UBAP2L: variants seen among roughly 807,000 people sequenced by gnomAD.
UBAP2L encodes the protein ubiquitin associated protein 2 like.
A neutral mutation model predicts 130.6 loss-of-function variants in UBAP2L; 12 were observed. The ratio of observed to expected loss-of-function variants is 0.09; its 90% CI spans 0.06 to 0.15. The LOEUF (loss-of-function observed/expected upper bound fraction) is 0.15, where lower values mean the gene tolerates loss of function less well. Ranked by LOEUF, UBAP2L falls within the 10% of genes least tolerant of loss-of-function variation. The pLI, the probability that UBAP2L is intolerant of heterozygous loss-of-function variation, is 1.00. For synonymous variants in UBAP2L, 503 were observed against 524.7 expected (o/e 0.96, Z 0.57); for missense variants, 965 against 1,332.5 (o/e 0.72, Z 4.29).
At chr1:154,269,711 G>A (rs1684314056) in intron 26 of UBAP2L, 2 of 322,860 alleles carry the variant, frequency 6.2e-6, no homozygotes, top group South Asian at 5.1e-5. Context: ...GCCTGAAATG[G>A]GCTCACAGAT....
At chr1:154,270,992 T>C, downstream of UBAP2L, 4 of 1,519,516 alleles carry the variant, frequency 2.6e-6, no homozygotes, top group Non-Finnish European at 3.6e-6. Flanking sequence ...TCTTCGCCCT[T>C]TAAGAACTCC....
chr1:154,250,525 G>C (rs1474068020), intron 12 of UBAP2L, among the ~76,000 whole-genome samples: 1 of 152,134 alleles, frequency 6.6e-6, no homozygotes, highest in Non-Finnish European at 1.5e-5. Context: ...GTCTTACACA[G>C]ACAGGGTAAT....
intron 23 of UBAP2L, 96 bp from the exon 24 acceptor site, chr1:154,261,492 ATAGG>A: frequency 4.5e-6 from 5 of 1,113,158 alleles, no homozygotes; most frequent in Non-Finnish European, 5.5e-6. Context: ...TTGCATCAGG[ATAGG>A]TAGCCATCTG....
chr1:154,220,733 T>C, upstream of UBAP2L: 1 of 344,352 alleles, frequency 2.9e-6, no homozygotes, highest in South Asian at 3.6e-5. Context: ...AGGGCCGCCG[T>C]GAAGGAGGCG....
intron 5 of UBAP2L, 143 bp from the exon 6 acceptor site, chr1:154,235,053 T>C (rs917674447): frequency 3.1e-6 from 2 of 654,954 alleles, no homozygotes; most frequent in African/African-American, 3.7e-5. Context: ...TCCAGCTCAT[T>C]TTCTCTTCGT....
In UBAP2L at chr1:154,251,481, A is replaced by G; in HGVS notation, c.1492A>G (p.Ile498Val). The G allele has an allele frequency of 6.2e-7, 1 of 1,613,248 alleles. No individual in the cohort carries two copies. The highest frequency in any genetic ancestry group is 8.5e-7 in the Non-Finnish European group (1 of 1,179,802). ...QKKKASLTSK[I>V]PALAVEMPGS... Reference sequence around the variant, plus strand: ...TTTCTCTTCTCCTTCAACTTTATAGATTCCTGCTCTGGCTGTGGAGATGCC... The same window carrying G: ...TTTCTCTTCTCCTTCAACTTTATAGGTTCCTGCTCTGGCTGTGGAGATGCC... Residue 498 changes from isoleucine (I) to valine (V), a missense_variant and splice_region_variant, in exon 14 of 27, where the codon ATT (isoleucine) becomes GTT (valine). By Grantham distance (29) the Ile-to-Val change is conservative. Around this residue, in one of 9 missense-constraint regions of UBAP2L, gnomAD observed 393 missense variants for 408.1 expected, o/e 0.96. Coordinates refer to ENST00000428931, the MANE Select transcript of UBAP2L (RefSeq NM_014847.4).
intron 2 of UBAP2L, among the ~76,000 whole-genome samples, chr1:154,227,057 A>G (rs570050669): frequency 3.9e-5 from 6 of 152,292 alleles, no homozygotes; most frequent in Non-Finnish European, 7.4e-5. Context: ...TACTCACATC[A>G]GGTGATCTGT....
intron 4 of UBAP2L, among the ~76,000 whole-genome samples, chr1:154,234,179 G>T (rs965274434): frequency 6.6e-6 from 1 of 151,894 alleles, no homozygotes; most frequent in Non-Finnish European, 1.5e-5. Context: ...CCTGGCCAAC[G>T]TGGTGAAACC....
At chr1:154,267,451 C>T (rs61807361) in intron 25 of UBAP2L, among the ~76,000 whole-genome samples, 39,745 of 150,826 alleles carry the variant, frequency 0.26, 5,847 homozygotes, top group African/African-American at 0.38. Context: ...CTGCACCCAG[C>T]GGAGTTACTA....
At chr1:154,226,490 G>C (rs1250820106) in intron 2 of UBAP2L, among the ~76,000 whole-genome samples, 1 of 152,144 alleles carries the variant, frequency 6.6e-6, no homozygotes, top group Non-Finnish European at 1.5e-5. Context: ...TCTTTCATCT[G>C]TGTTTTCAAG....
rs1489527106 is a variant in UBAP2L at position 154,255,204 on chromosome 1, C to G, written c.1962C>G (p.Pro654=). 2.5e-6 allele frequency: 4 copies of G among 1,614,050 alleles called. No homozygotes were observed. Among genetic ancestry groups the G allele is most frequent in the African/African-American group, 2.7e-5 (2 of 74,916 alleles). ...KSDSPSTSSI[P]PLNETVSAAS... ...ATTCACCTTCCACTTCTAGCATCCC[C>G]CCTCTCAATGAAACGGTATCTGCAG... The change falls in exon 17 of 27, where the codon CCC becomes CCG. Residue 654 remains proline, a synonymous_variant. Transcript: ENST00000428931.
At chr1:154,231,702 T>C (rs1669892665) in intron 4 of UBAP2L, among the ~76,000 whole-genome samples, 1 of 152,248 alleles carries the variant, frequency 6.6e-6, no homozygotes. Context: ...CTTAGTGTAA[T>C]GTTTCAAGGT....
upstream of UBAP2L, chr1:154,220,368 C>G (rs1370937765): frequency 6.2e-7 from 1 of 1,614,202 alleles, no homozygotes; most frequent in African/African-American, 1.3e-5. Context: ...ATCACCAGCA[C>G]GACATTCACC....
chr1:154,246,349 G>C lies in UBAP2L; in HGVS notation c.988G>C (p.Gly330Arg). Residue 330 changes from glycine (G) to arginine (R), a missense_variant, in exon 11 of 27, where the codon GGG (glycine) becomes CGG (arginine). By Grantham distance (125) the Gly-to-Arg change is moderately radical. Around this residue, in one of 9 missense-constraint regions of UBAP2L, gnomAD observed 99 missense variants for 106.4 expected, o/e 0.93. Coordinates refer to ENST00000428931, the MANE Select transcript of UBAP2L (RefSeq NM_014847.4). The part of the protein sequence containing the change: ...KQTAISQPAS[G>R]NTFSHHSMVS... Reference sequence around the variant, plus strand: ...GACTGCCATATCACAGCCTGCTTCAGGGAACACATTTTCTCATCACAGTAT... The same window carrying C: ...GACTGCCATATCACAGCCTGCTTCACGGAACACATTTTCTCATCACAGTAT... 6.2e-7 allele frequency: 1 copy of C among 1,613,190 alleles called. No homozygotes were observed. Among genetic ancestry groups the C allele is most frequent in the Non-Finnish European group, 8.5e-7 (1 of 1,179,582 alleles).
In UBAP2L at chr1:154,270,763, T is replaced by G. The variant is rs1350924941; in HGVS notation, c.*468T>G. 1 of 1,219,358 alleles carries G rather than the reference T, an allele frequency of 8.2e-7. No individual in the cohort carries two copies. The highest frequency in any genetic ancestry group is 3.9e-5 in the Admixed American group (1 of 25,540). 75.5% of individuals were successfully genotyped at this position (1,219,358 alleles called of 1,614,324 possible). ...TCAGATGAATTAGTTGAAGTGGTTTTTTTTTTGTTTTTTTTTTTTTTTTGT... is the reference window on the plus strand; with the variant it reads ...TCAGATGAATTAGTTGAAGTGGTTTGTTTTTTGTTTTTTTTTTTTTTTTGT... On this transcript the variant is annotated 3_prime_UTR_variant, in exon 27 of 27. Transcript: ENST00000428931.
chr1:154,268,945 G>A lies in UBAP2L; in HGVS notation c.3159G>A (p.Gln1053=), dbSNP rs1161562849. ...AGATCCTTCACCATCACCTGCAGCAGGATGGCCAGGTAATAGCCCTTCCCC... is the reference window on the plus strand; with the variant it reads ...AGATCCTTCACCATCACCTGCAGCAAGATGGCCAGGTAATAGCCCTTCCCC... ...HSQILHHHLQ[Q]DGQTGSGQRS... Residue 1053 remains glutamine, a synonymous_variant, in exon 26 of 27, where the codon CAG becomes CAA. Transcript: ENST00000428931. 2 of 1,613,644 alleles carry A rather than the reference G, an allele frequency of 1.2e-6. No homozygotes were observed. The highest frequency in any genetic ancestry group is 2.2e-5 in the South Asian group (2 of 91,042).
chr1:154,243,497 A>G (rs1194582), intron 10 of UBAP2L, among the ~76,000 whole-genome samples, 195 bp downstream of exon 10: 98,957 of 151,640 alleles, frequency 0.65, 33,316 homozygotes, highest in East Asian at 0.96. Context: ...GTCTCACTGT[A>G]TCGGCCAGGC....
Position 154,251,484 on chromosome 1 carries a change from C to T in UBAP2L, c.1495C>T (p.Pro499Ser). ...CTCTTCTCCTTCAACTTTATAGATTCCTGCTCTGGCTGTGGAGATGCCTGG... is the reference window on the plus strand; with the variant it reads ...CTCTTCTCCTTCAACTTTATAGATTTCTGCTCTGGCTGTGGAGATGCCTGG... ...KKKASLTSKI[P>S]ALAVEMPGSA... The change falls in exon 14 of 27, where the codon CCT (proline) becomes TCT (serine). Residue 499 changes from proline (P) to serine (S), a missense_variant. By Grantham distance (74) the Pro-to-Ser change is moderately conservative (BLOSUM62 -1). This residue lies in a region of UBAP2L where 393 missense variants were observed against 408.1 expected (regional missense o/e 0.96). Coordinates refer to ENST00000428931, the MANE Select transcript of UBAP2L (RefSeq NM_014847.4). The T allele has an allele frequency of 1.2e-6, 2 of 1,613,734 alleles. No homozygotes were observed. The highest frequency in any genetic ancestry group is 2.2e-5 in the East Asian group (1 of 44,884).
chr1:154,231,715 G>C (rs758220611), intron 4 of UBAP2L, among the ~76,000 whole-genome samples: 2 of 152,110 alleles, frequency 1.3e-5, no homozygotes, highest in African/African-American at 4.8e-5. Context: ...TTCAAGGTTC[G>C]TCCATATTGT....
Sources: allele counts gnomAD v4.1 joint callset (sites outside exome capture counted in the v4.1 genomes callset), GRCh38; gene constraint gnomAD v4.1.1; regional missense constraint gnomAD v4.1.1; transcripts MANE v1.5; gene names NCBI Gene and HGNC (gene_info 2026-07-23, HGNC 2026-07-21).